Variants in AREG observed in about 807,000 individuals in gnomAD.
AREG encodes the protein amphiregulin B.
AREG carries 16 observed loss-of-function variants against 28.0 expected under a neutral mutation model. That is an observed-to-expected ratio of 0.57 (90% confidence interval 0.39 to 0.87). AREG has a LOEUF of 0.87. Among genes scored for constraint, AREG ranks in the 40% least tolerant of loss-of-function variants. The probability of loss-of-function intolerance (pLI) is 0.00; values close to 1 mark genes in which losing one functional copy is unlikely to be tolerated. For missense variants in AREG, 287 were observed against 309.1 expected (o/e 0.93, Z 0.53); for synonymous variants, 113 against 113.5 (o/e 1.00, Z 0.02).
In AREG at chr4:74,454,753, TC is replaced by T; in HGVS notation, c.*19-5del. On this transcript the variant is annotated splice_region_variant and splice_polypyrimidine_tract_variant and intron_variant, in intron 5 of 5. Transcript: ENST00000395748. Reference sequence around the variant, plus strand: ...TATTATTTTATTTTATTTTATTTTCTCACAGGATATCACATTGGAGTCACTG... The same window carrying T: ...TATTATTTTATTTTATTTTATTTTCTACAGGATATCACATTGGAGTCACTG... 1 of 679,342 alleles carries T rather than the reference TC, an allele frequency of 1.5e-6. No homozygotes were observed. 42.1% of individuals were successfully genotyped at this position (679,342 alleles called of 1,614,324 possible).
intron 5 of AREG, among the ~76,000 whole-genome samples, chr4:74,453,059 G>A (rs1212676865): frequency 6.6e-6 from 1 of 152,170 alleles, no homozygotes; most frequent in Non-Finnish European, 1.5e-5. Flanking sequence ...TGTTCGGGGT[G>A]GCCTTGGAAG....
chr4:74,454,852 T>C lies in AREG; in HGVS notation c.*112T>C, dbSNP rs1316453049. On this transcript the variant is annotated 3_prime_UTR_variant, in exon 6 of 6. Coordinates refer to ENST00000395748, the MANE Select transcript of AREG (RefSeq NM_001657.4). ...ATAAGACAATGGACCCTTTTTGTTATGATGGTTTTAAACTTTCAATTGTCA... is the reference window on the plus strand; with the variant it reads ...ATAAGACAATGGACCCTTTTTGTTACGATGGTTTTAAACTTTCAATTGTCA... 1 of 699,942 alleles carries C rather than the reference T, an allele frequency of 1.4e-6. No individual in the cohort carries two copies. Among genetic ancestry groups the C allele is most frequent in the Non-Finnish European group, 2.6e-6 (1 of 383,432 alleles). The allele number at this position is 699,942 out of a possible 1,614,324, so 43.4% of individuals were successfully genotyped here. A position where few individuals can be genotyped will look rare whatever the true frequency, so the allele number is the denominator to read the frequency against.
At chr4:74,453,197 G>A (rs1314272512) in intron 5 of AREG, among the ~76,000 whole-genome samples, 1 of 152,224 alleles carries the variant, frequency 6.6e-6, no homozygotes, top group Non-Finnish European at 1.5e-5. Flanking sequence ...AGTGTTAGGG[G>A]AGATACAGTT....
At chr4:74,453,037 G>A (rs1478773729) in intron 5 of AREG, among the ~76,000 whole-genome samples, 1 of 152,192 alleles carries the variant, frequency 6.6e-6, no homozygotes, top group Non-Finnish European at 1.5e-5. Context: ...ATTTAGGGAA[G>A]AGGAAAAGAT....
chr4:74,448,760 G>T, intron 2 of AREG: 1 of 348,038 alleles, frequency 2.9e-6, no homozygotes, highest in Non-Finnish European at 5.3e-6. Flanking sequence ...TTGGAGCATT[G>T]TAACATAGAG....
In AREG at chr4:74,449,037, T is replaced by C. The variant is rs929365001; in HGVS notation, c.311-10T>C. ...GAGAGACTCTTGTCAATAAATCTTT[T>C]CTTTTTTAGTTGAACAGGTAGTTAA... On this transcript the variant is annotated splice_polypyrimidine_tract_variant and intron_variant, in intron 2 of 5. Coordinates refer to ENST00000395748, the MANE Select transcript of AREG (RefSeq NM_001657.4). 118 of 1,607,714 alleles carry C rather than the reference T, an allele frequency of 7.3e-5. No homozygotes were observed. The highest frequency in any genetic ancestry group is 3.4e-4 in the East Asian group (15 of 44,660).
At chr4:74,448,899 CCT>C in intron 2 of AREG, 146 bp from the exon 3 acceptor site, 1 of 1,138,086 alleles carries the variant, frequency 8.8e-7, no homozygotes, top group Non-Finnish European at 1.2e-6. Flanking sequence ...GTTATGCAGT[CCT>C]CTCTAACTTT....
chr4:74,445,828 G>A (rs1719272982), intron 1 of AREG, among the ~76,000 whole-genome samples: 1 of 152,104 alleles, frequency 6.6e-6, no homozygotes, highest in Non-Finnish European at 1.5e-5. Context: ...GAGTATCCCG[G>A]CGAGAGGTTA....
chr4:74,448,860 G>A, intron 2 of AREG, 187 bp from the exon 3 acceptor site: 1 of 818,864 alleles, frequency 1.2e-6, no homozygotes, highest in Non-Finnish European at 1.8e-6. Flanking sequence ...CTACTTTCAG[G>A]TAGAAAAAAC....
Position 74,445,209 on chromosome 4 carries a change from A to T in AREG, c.-137A>T. 1 of 1,496,748 alleles carries T rather than the reference A, an allele frequency of 6.7e-7. No individual in the cohort carries two copies. The highest frequency in any genetic ancestry group is 9.0e-7 in the Non-Finnish European group (1 of 1,117,262). 92.7% of individuals were successfully genotyped at this position (1,496,748 alleles called of 1,614,324 possible). On this transcript the variant is annotated 5_prime_UTR_variant, in exon 1 of 6. Transcript: ENST00000395748. ...CCGAGGCGCCGCGCCCGCCGCCCCG[A>T]GCTCCCCAAGCCTTCGAGAGCGGCG... is the stretch of plus-strand genomic sequence containing the variant.
intron 5 of AREG, among the ~76,000 whole-genome samples, chr4:74,452,936 A>G (rs1299603965): frequency 1.3e-5 from 2 of 152,198 alleles, no homozygotes; most frequent in Non-Finnish European, 2.9e-5. Flanking sequence ...AGAAACCAGA[A>G]TACTAGGGAT....
Position 74,445,264 on chromosome 4 carries a change from A to G in AREG, c.-82A>G, listed in dbSNP as rs1463566356. On this transcript the variant is annotated 5_prime_UTR_variant, in exon 1 of 6. Transcript: ENST00000395748. ...CTCCCGGTCTCCACTCGCTCTTCCAACACCCGCTCGTTTTGGCGGCAGCTC... is the reference window on the plus strand; with the variant it reads ...CTCCCGGTCTCCACTCGCTCTTCCAGCACCCGCTCGTTTTGGCGGCAGCTC... The G allele has an allele frequency of 5.8e-6, 9 of 1,563,810 alleles. No individual in the cohort carries two copies. Among genetic ancestry groups the G allele is most frequent in the Non-Finnish European group, 7.8e-6 (9 of 1,155,362 alleles).
At chr4:74,454,347 A>G (rs1006497410) in intron 5 of AREG, among the ~76,000 whole-genome samples, 2 of 152,326 alleles carry the variant, frequency 1.3e-5, no homozygotes, top group Middle Eastern at 3.4e-3. Flanking sequence ...AGTTACTATT[A>G]TTATGCCCTT....
rs920455787 is a variant in AREG, at chr4:74,445,161, C to G, written c.-185C>G. 7.5e-7 allele frequency: 1 copy of G among 1,335,678 alleles called. No individual in the cohort carries two copies. The highest frequency in any genetic ancestry group is 1.5e-5 in the African/African-American group (1 of 66,504). 82.7% of individuals were successfully genotyped at this position (1,335,678 alleles called of 1,614,324 possible). On this transcript the variant is annotated 5_prime_UTR_variant, in exon 1 of 6. Transcript: ENST00000395748. ...AGACGTTCGCACACCTGGGTGCCAG[C>G]GCCCCAGAGGTCCCGGGACAGCCCG...
rs1719250304 is a variant in AREG at position 74,445,285 on chromosome 4, A to C, written c.-61A>C. Reference sequence around the variant, plus strand: ...TCCAACACCCGCTCGTTTTGGCGGCAGCTCGTGTCCCAGAGACCGAGTTGC... The same window carrying C: ...TCCAACACCCGCTCGTTTTGGCGGCCGCTCGTGTCCCAGAGACCGAGTTGC... On this transcript the variant is annotated 5_prime_UTR_variant, in exon 1 of 6. Coordinates refer to ENST00000395748, the MANE Select transcript of AREG (RefSeq NM_001657.4). 6.3e-6 allele frequency: 10 copies of C among 1,583,638 alleles called. No homozygotes were observed. Among genetic ancestry groups the C allele is most frequent in the Non-Finnish European group, 7.7e-6 (9 of 1,167,072 alleles).
At chr4:74,446,448 A>T in intron 1 of AREG, 86 bp from the exon 2 acceptor site, 1 of 1,610,100 alleles carries the variant, frequency 6.2e-7, no homozygotes, top group Non-Finnish European at 8.5e-7. Flanking sequence ...TTGATGTCAA[A>T]AGATAAACTT....
chr4:74,454,762 A>T lies in AREG; in HGVS notation c.*22A>T, dbSNP rs1719436346. The T allele has an allele frequency of 1.4e-6, 1 of 694,156 alleles. No individual in the cohort carries two copies. The highest frequency in any genetic ancestry group is 1.5e-5 in the South Asian group (1 of 65,760). 43.0% of individuals were successfully genotyped at this position (694,156 alleles called of 1,614,324 possible). On this transcript the variant is annotated 3_prime_UTR_variant, in exon 6 of 6. Coordinates refer to ENST00000395748, the MANE Select transcript of AREG (RefSeq NM_001657.4). ...ATTTTATTTTATTTTCTCACAGGAT[A>T]TCACATTGGAGTCACTGCCAAGTCA...
chr4:74,450,237 C>T (rs1719360035), intron 3 of AREG, 143 bp from the exon 4 acceptor site: 1 of 1,343,504 alleles, frequency 7.4e-7, no homozygotes, highest in African/African-American at 1.4e-5. Context: ...AGAATGCATT[C>T]TGTGTCTCAT....
At position 74,449,228 on chromosome 4, in the gene AREG, C is replaced by A. The variant is rs753584758; in HGVS notation, c.492C>A (p.His164Gln). 1 of 1,613,194 alleles carries A rather than the reference C, an allele frequency of 6.2e-7. No homozygotes were observed. Among genetic ancestry groups the A allele is most frequent in the South Asian group, 1.1e-5 (1 of 90,974 alleles). ...ACGGAGAATGCAAATATATAGAGCA[C>A]CTGGAAGCAGTAACATGCAAGTAAG... ...CIHGECKYIEHLEAVTCKCQQ... is the reference protein window; with the variant it reads ...CIHGECKYIEQLEAVTCKCQQ... The change falls in exon 3 of 6, where the codon CAC (histidine) becomes CAA (glutamine). Residue 164 changes from histidine to glutamine, a missense_variant. Transcript: ENST00000395748.
Sources: gnomAD v4.1 joint callset for allele counts (sites outside exome capture counted in the v4.1 genomes callset) on GRCh38, gnomAD v4.1.1 for gene constraint, MANE v1.5 for transcripts, NCBI Gene and HGNC (gene_info 2026-07-23, HGNC 2026-07-21) for gene names.